The following SCAPER variants were observed in gnomAD, a reference collection of about 807,000 sequenced individuals.
SCAPER encodes the protein S phase cyclin A-associated protein in the endoplasmic reticulum.
SCAPER carries 98 observed loss-of-function variants against 182.2 expected under a neutral mutation model. The ratio of observed to expected loss-of-function variants is 0.54; its 90% CI spans 0.46 to 0.64. The LOEUF (loss-of-function observed/expected upper bound fraction) is 0.64, where lower values mean the gene tolerates loss of function less well. Among genes scored for constraint, SCAPER ranks in the 30% least tolerant of loss-of-function variants. The pLI, the probability that SCAPER is intolerant of heterozygous loss-of-function variation, is 0.00. For synonymous variants in SCAPER, 605 were observed against 564.6 expected, an observed-to-expected ratio of 1.07 and a Z score of -1.01; for missense variants, 1,432 against 1,690.0, an observed-to-expected ratio of 0.85 and a Z score of 2.68.
intron 3 of SCAPER, among the ~76,000 whole-genome samples, chr15:76,859,429 C>T (rs1265134750): frequency 2.0e-5 from 3 of 152,092 alleles, no homozygotes; most frequent in Non-Finnish European, 4.4e-5. Flanking sequence ...CTGTAATGTA[C>T]CAGCAGGTTT....
chr15:76,420,454 G>A (rs2045949547), intron 26 of SCAPER, among the ~76,000 whole-genome samples: 2 of 151,134 alleles, frequency 1.3e-5, no homozygotes, highest in Admixed American at 6.6e-5. Context: ...AAATTAGCAG[G>A]ATACAAAAAT....
At chr15:76,611,204 A>G (rs2050949648) in intron 22 of SCAPER, among the ~76,000 whole-genome samples, 1 of 152,164 alleles carries the variant, frequency 6.6e-6, no homozygotes, top group Non-Finnish European at 1.5e-5. Flanking sequence ...AAAATGGAGT[A>G]TCCTTATGCA....
At chr15:76,885,380 C>G (rs2073785782) in intron 1 of SCAPER, among the ~76,000 whole-genome samples, 3 of 152,212 alleles carry the variant, frequency 2.0e-5, no homozygotes, top group South Asian at 2.1e-4. Flanking sequence ...CAGACATATT[C>G]TAGCATTAGG....
chr15:76,638,238 T>A (rs1452664924), intron 21 of SCAPER, among the ~76,000 whole-genome samples: 1 of 152,198 alleles, frequency 6.6e-6, no homozygotes, highest in Non-Finnish European at 1.5e-5. Flanking sequence ...TAATTTCATT[T>A]ATTGATCAAA....
intron 24 of SCAPER, among the ~76,000 whole-genome samples, chr15:76,500,892 A>G (rs1007525863): frequency 3.9e-5 from 6 of 152,084 alleles, no homozygotes; most frequent in African/African-American, 1.4e-4. Flanking sequence ...ATACAAAAAA[A>G]AAGAGCCAGG....
At chr15:76,406,375 G>A (rs901178524) in intron 26 of SCAPER, among the ~76,000 whole-genome samples, 1 of 152,100 alleles carries the variant, frequency 6.6e-6, no homozygotes, top group African/African-American at 2.4e-5. Context: ...TTACTTAGGA[G>A]GCTGAGGCAG....
chr15:76,454,209 C>T (rs1365737450), intron 25 of SCAPER, among the ~76,000 whole-genome samples: 1 of 152,054 alleles, frequency 6.6e-6, no homozygotes, highest in East Asian at 1.9e-4. Context: ...ACTACTTATC[C>T]TTCAGGTCTC....
At chr15:76,624,209 A>C (rs2052365036) in intron 21 of SCAPER, among the ~76,000 whole-genome samples, 1 of 152,242 alleles carries the variant, frequency 6.6e-6, no homozygotes, top group Non-Finnish European at 1.5e-5. Flanking sequence ...TCAGGATACA[A>C]AATCAATGTA....
intron 25 of SCAPER, among the ~76,000 whole-genome samples, chr15:76,450,273 T>A (rs1224810683): frequency 1.3e-5 from 2 of 152,290 alleles, no homozygotes; most frequent in Admixed American, 6.5e-5. Flanking sequence ...AGCAAATCAA[T>A]AGCTTTTTTC....
At chr15:76,854,268 A>G (rs2071092916) in intron 4 of SCAPER, among the ~76,000 whole-genome samples, 1 of 151,722 alleles carries the variant, frequency 6.6e-6, no homozygotes, top group Admixed American at 6.6e-5. Context: ...ACTCCATCTC[A>G]AAAAAAACAA....
chr15:76,726,270 C>T (rs926297743), intron 17 of SCAPER, among the ~76,000 whole-genome samples: 4 of 150,574 alleles, frequency 2.7e-5, no homozygotes, highest in Non-Finnish European at 5.9e-5. Context: ...TGAAAAGATG[C>T]TTAAGGTCAC....
intron 23 of SCAPER, among the ~76,000 whole-genome samples, chr15:76,556,574 A>C (rs1158136245): frequency 6.6e-6 from 1 of 152,162 alleles, no homozygotes; most frequent in Non-Finnish European, 1.5e-5. Context: ...TGTACAAAAA[A>C]CCCTCAGAAA....
At chr15:76,830,173 A>G (rs2068337236) in intron 5 of SCAPER, among the ~76,000 whole-genome samples, 1 of 152,148 alleles carries the variant, frequency 6.6e-6, no homozygotes, top group Admixed American at 6.5e-5. Context: ...CAAGGACATG[A>G]TATGGTTACA....
At chr15:76,588,370 G>A (rs956161861) in intron 22 of SCAPER, among the ~76,000 whole-genome samples, 20 of 151,914 alleles carry the variant, frequency 1.3e-4, no homozygotes, top group African/African-American at 3.9e-4. Context: ...TTTTTCAATC[G>A]CTGTTGCTTT....
intron 1 of SCAPER, among the ~76,000 whole-genome samples, chr15:76,900,018 G>T (rs989969577): frequency 1.3e-5 from 2 of 152,198 alleles, no homozygotes; most frequent in Admixed American, 1.3e-4. Flanking sequence ...GCCTTGGGAT[G>T]CTGTTAATCT....
At chr15:76,470,460 T>C (rs554307573) in intron 25 of SCAPER, among the ~76,000 whole-genome samples, 16 of 152,304 alleles carry the variant, frequency 1.1e-4, no homozygotes, top group African/African-American at 3.8e-4. Flanking sequence ...ATAGAGGCAA[T>C]AGCTTGTAGT....
At chr15:76,835,283 AAAAC>A (rs1416790196) in intron 5 of SCAPER, among the ~76,000 whole-genome samples, 1 of 152,112 alleles carries the variant, frequency 6.6e-6, no homozygotes, top group Non-Finnish European at 1.5e-5. Flanking sequence ...AAAAGAAAGA[AAAAC>A]AAAACTGAAC....
intron 23 of SCAPER, among the ~76,000 whole-genome samples, chr15:76,524,145 A>G (rs1006685619): frequency 6.6e-6 from 1 of 152,124 alleles, no homozygotes; most frequent in Non-Finnish European, 1.5e-5. Flanking sequence ...ATGCAGCAGT[A>G]AAATACTGTA....
At position 76,882,660 on chromosome 15, in the gene SCAPER, C is replaced by T. The variant is rs2073623042; in HGVS notation, c.6+1152G>A. ...CATACAACAAATAGATGCTCTCCTG[C>T]TCTTTCTTTTTTTCTTTTATTTGAG... On this transcript the variant is annotated intron_variant, in intron 2 of 31. Transcript: ENST00000563290. 4.6e-5 allele frequency among the ~76,000 whole-genome samples: 7 copies of T among 152,236 alleles called. No individual in the cohort carries two copies. In the South Asian group the frequency reaches 1.2e-3, roughly 27 times the overall value.
Sources: allele counts gnomAD v4.1 joint callset (sites outside exome capture counted in the v4.1 genomes callset), GRCh38; gene constraint gnomAD v4.1.1; transcripts MANE v1.5; gene names NCBI Gene and HGNC (gene_info 2026-07-23, HGNC 2026-07-21).